The following ARHGEF28 variants were observed in gnomAD, a reference collection of about 807,000 sequenced individuals.
ARHGEF28 encodes the protein 190 kDa guanine nucleotide exchange factor.
Under a neutral mutation model 206.6 loss-of-function variants are expected in ARHGEF28, and 152 were observed. That is an observed-to-expected ratio of 0.74 (90% CI 0.64 to 0.84). ARHGEF28 has a LOEUF of 0.84. ARHGEF28 is among the 40% of genes least tolerant of loss of function. The pLI, the probability that ARHGEF28 is intolerant of heterozygous loss-of-function variation, is 0.00. For synonymous variants in ARHGEF28, 763 were observed against 776.4 expected (o/e 0.98, Z 0.29); for missense variants, 2,028 against 2,073.2 (o/e 0.98, Z 0.42).
intron 3 of ARHGEF28, among the ~76,000 whole-genome samples, chr5:73,751,640 T>G (rs1351004204): frequency 6.6e-6 from 1 of 152,120 alleles, no homozygotes; most frequent in Non-Finnish European, 1.5e-5. Context: ...TACTTGCATG[T>G]GGTGGCGACT....
chr5:73,741,341 A>ATG (rs369851573), intron 2 of ARHGEF28, among the ~76,000 whole-genome samples: 937 of 66,064 alleles, frequency 0.014, 19 homozygotes, highest in Middle Eastern at 0.024. Context: ...TTAAATTTAT[A>ATG]TGTGTGTGTG....
At chr5:73,882,335 G>A (rs151057460) in intron 22 of ARHGEF28, 137 bp from the exon 23 acceptor site, 17,615 of 635,074 alleles carry the variant, frequency 0.028, 307 homozygotes, top group Non-Finnish European at 0.035. Flanking sequence ...GAGGAGATAA[G>A]TGATTGTGTT....
chr5:73,898,075 C>T lies in ARHGEF28; in HGVS notation c.3955C>T (p.Pro1319Ser). 6.2e-7 allele frequency: 1 copy of T among 1,611,996 alleles called. No homozygotes were observed. Among genetic ancestry groups the T allele is most frequent in the Non-Finnish European group, 8.5e-7 (1 of 1,179,134 alleles). ...LADTLSSHDVPGSPTASLVTG... is the reference protein window; with the variant it reads ...LADTLSSHDVSGSPTASLVTG... ...GGACACACTCAGTTCTCATGATGTA[C>T]CAGGATCACCGACTGCCTGTAAGTG... The change falls in exon 30 of 36, where the codon CCA (proline) becomes TCA (serine). Residue 1319 changes from proline (P) to serine (S), a missense_variant. Pro to Ser is a moderately conservative substitution (Grantham distance 74). Transcript: ENST00000513042.
chr5:73,894,172 A>G (rs1334937486), intron 28 of ARHGEF28, among the ~76,000 whole-genome samples: 2 of 152,222 alleles, frequency 1.3e-5, no homozygotes, highest in African/African-American at 4.8e-5. Context: ...TTTACAGAAA[A>G]GACAATGGAA....
chr5:73,662,315 T>G (rs973121220), intron 1 of ARHGEF28, among the ~76,000 whole-genome samples: 4 of 152,220 alleles, frequency 2.6e-5, no homozygotes, highest in Non-Finnish European at 5.9e-5. Context: ...GGAAATATGA[T>G]CTGAGAAGGG....
chr5:73,777,249 CTTT>C (rs202212967), intron 6 of ARHGEF28, among the ~76,000 whole-genome samples: 2 of 147,444 alleles, frequency 1.4e-5, no homozygotes, highest in Non-Finnish European at 3.0e-5. Flanking sequence ...CTTTATCTCT[CTTT>C]TTTTTTTTGG....
chr5:73,675,352 C>T (rs1469879485), intron 1 of ARHGEF28, among the ~76,000 whole-genome samples: 1 of 152,074 alleles, frequency 6.6e-6, no homozygotes, highest in African/African-American at 2.4e-5. Context: ...TGTGAATCTC[C>T]TTAAAATGGA....
At chr5:73,746,530 G>A (rs1751726248) in intron 2 of ARHGEF28, among the ~76,000 whole-genome samples, 2 of 152,042 alleles carry the variant, frequency 1.3e-5, no homozygotes, top group African/African-American at 2.4e-5. Context: ...TGTCAATGCA[G>A]ATGAAATCTA....
Position 73,696,488 on chromosome 5 carries a change from G to GTCCT in ARHGEF28, c.33+11605_33+11608dup, listed in dbSNP as rs942869196. On this transcript the variant is annotated intron_variant, in intron 2 of 35. Transcript: ENST00000513042. Reference sequence around the variant, plus strand: ...GCTCAAATGTCACATCCTTAATATAGTCCTCTAGACATTTTCTATTTTGAG... The same window carrying GTCCT: ...GCTCAAATGTCACATCCTTAATATAGTCCTTCCTCTAGACATTTTCTATTTTGAG... Among the ~76,000 whole-genome samples the GTCCT allele has an allele frequency of 4.6e-5, 7 of 152,186 alleles. No homozygotes were observed. The South Asian group carries it at 1.0e-3, about 23-fold the overall frequency.
intron 7 of ARHGEF28, among the ~76,000 whole-genome samples, chr5:73,781,435 C>T (rs1398392939): frequency 6.6e-6 from 1 of 152,170 alleles, no homozygotes; most frequent in Non-Finnish European, 1.5e-5. Flanking sequence ...GTGCATAATA[C>T]CTAGCTCATA....
At chr5:73,939,908 T>C (rs1437499661) in intron 35 of ARHGEF28, among the ~76,000 whole-genome samples, 2 of 152,198 alleles carry the variant, frequency 1.3e-5, no homozygotes, top group Admixed American at 6.5e-5. Context: ...TTAATTTTAA[T>C]TTTTATAAGT....
chr5:73,655,538 C>T (rs1745136974), intron 1 of ARHGEF28, among the ~76,000 whole-genome samples: 1 of 152,170 alleles, frequency 6.6e-6, no homozygotes, highest in African/African-American at 2.4e-5. Flanking sequence ...GTCCTTAACA[C>T]TAAGAATAGA....
At chr5:73,687,640 C>G (rs951576870) in intron 2 of ARHGEF28, among the ~76,000 whole-genome samples, 3 of 151,832 alleles carry the variant, frequency 2.0e-5, no homozygotes, top group Admixed American at 1.3e-4. Context: ...TGCTCTCTGC[C>G]CTTCTATCTT....
intron 4 of ARHGEF28, among the ~76,000 whole-genome samples, chr5:73,762,838 TCAAATCC>T: frequency 6.6e-6 from 1 of 152,334 alleles, no homozygotes; most frequent in East Asian, 1.9e-4. Flanking sequence ...AAATCTAGGT[TCAAATCC>T]TTCATGTTCC....
intron 13 of ARHGEF28, 45 bp downstream of exon 13, chr5:73,849,132 A>G (rs1333668286): frequency 7.4e-7 from 1 of 1,351,604 alleles, no homozygotes; most frequent in East Asian, 2.5e-5. Flanking sequence ...TCTATTCCAG[A>G]ACAGATTTTT....
intron 9 of ARHGEF28, among the ~76,000 whole-genome samples, chr5:73,830,571 A>G (rs1401100919): frequency 6.6e-6 from 1 of 151,960 alleles, no homozygotes; most frequent in Non-Finnish European, 1.5e-5. Context: ...AAAAAAAAAA[A>G]AAAAAAGAAA....
At chr5:73,832,058 G>T (rs893201317) in intron 9 of ARHGEF28, among the ~76,000 whole-genome samples, 71 of 152,278 alleles carry the variant, frequency 4.7e-4, no homozygotes, top group African/African-American at 1.6e-3. Flanking sequence ...CAAAAGCAAA[G>T]ATTTAATTGA....
intron 35 of ARHGEF28, among the ~76,000 whole-genome samples, chr5:73,932,068 T>C (rs1306974108): frequency 6.6e-6 from 1 of 152,200 alleles, no homozygotes; most frequent in East Asian, 1.9e-4. Context: ...TCTAAGAAAC[T>C]TGAAATATTT....
chr5:73,644,350 C>T (rs576213720), intron 1 of ARHGEF28, among the ~76,000 whole-genome samples: 3 of 152,338 alleles, frequency 2.0e-5, no homozygotes, highest in South Asian at 4.1e-4. Flanking sequence ...TTTACCATTT[C>T]TCTGGGTTAT....
Sources: allele counts gnomAD v4.1 joint callset (sites outside exome capture counted in the v4.1 genomes callset), GRCh38; gene constraint gnomAD v4.1.1; transcripts MANE v1.5; gene names NCBI Gene and HGNC (gene_info 2026-07-23, HGNC 2026-07-21).